PATJ: variants seen among roughly 807,000 people sequenced by gnomAD.
PATJ encodes the protein PATJ crumbs cell polarity complex component.
Under a neutral mutation model 224.9 loss-of-function variants are expected in PATJ, and 190 were observed. The observed-to-expected ratio is 0.84, with a 90% CI of 0.75 to 0.95. The LOEUF (loss-of-function observed/expected upper bound fraction) is 0.95, where lower values mean the gene tolerates loss of function less well. PATJ is among the 40% of genes least tolerant of loss of function. PATJ has a pLI of 0.00. For synonymous variants in PATJ, 769 were observed against 820.3 expected (o/e 0.94, Z 1.07); for missense variants, 2,121 against 2,270.3 (o/e 0.93, Z 1.34).
At chr1:61,782,435 A>G (rs1465786287) in intron 7 of PATJ, among the ~76,000 whole-genome samples, 1 of 152,124 alleles carries the variant, frequency 6.6e-6, no homozygotes, top group Non-Finnish European at 1.5e-5. Flanking sequence ...TTGGCCATAC[A>G]CTTTGTCCAA....
At chr1:61,845,027 A>G (rs1259520129) in intron 17 of PATJ, among the ~76,000 whole-genome samples, 3 of 152,212 alleles carry the variant, frequency 2.0e-5, no homozygotes, top group Non-Finnish European at 4.4e-5. Context: ...CTAATACAAC[A>G]GGTAAGTATG....
rs116076164 is a variant in PATJ, at chr1:61,976,132, C to T, written c.3671-14036C>T. On this transcript the variant is annotated intron_variant, in intron 27 of 43. Transcript: ENST00000642238. ...TTGCCTATACGTGTTCCATGTCTCG[C>T]CTTAAATTGTCGATTCCAAAAGGGC... Among the ~76,000 whole-genome samples the T allele has an allele frequency of 5.4e-3, 822 of 152,022 alleles. 11 individuals carry two copies. The highest frequency in any genetic ancestry group is 0.027 in the Middle Eastern group (8 of 294).
In PATJ at chr1:61,900,281, A is replaced by G. The variant is rs185015850; in HGVS notation, c.3203+627A>G. On this transcript the variant is annotated intron_variant, in intron 23 of 43. Transcript: ENST00000642238. Reference sequence around the variant, plus strand: ...TTGAAATCTGAATTTGTCTTAAAACATTTAAGAGTTGTTTTCAGAGTTACT... The same window carrying G: ...TTGAAATCTGAATTTGTCTTAAAACGTTTAAGAGTTGTTTTCAGAGTTACT... 2.0e-3 allele frequency among the ~76,000 whole-genome samples: 303 copies of G among 152,306 alleles called. 2 individuals are homozygous for G. Among genetic ancestry groups the G allele is most frequent in the Non-Finnish European group, 3.3e-3 (227 of 68,042 alleles).
At position 62,106,168 on chromosome 1, in the gene PATJ, A is replaced by G. The variant is rs1228831973; in HGVS notation, c.4378-2269A>G. Among the ~76,000 whole-genome samples, 69 of 93,348 alleles carry G rather than the reference A, an allele frequency of 7.4e-4. 5 individuals are homozygous for G. Among genetic ancestry groups the G allele is most frequent in the African/African-American group, 1.7e-3 (46 of 26,776 alleles). The allele number at this position is 93,348 out of a possible 152,430, so 61.2% of individuals were successfully genotyped here. A position where few individuals can be genotyped will look rare whatever the true frequency, so the allele number is the denominator to read the frequency against. On this transcript the variant is annotated intron_variant, in intron 33 of 43. Transcript: ENST00000642238. ...TATGTGTGTGTGTGTGTATATATAT[A>G]TATATATATATATATATATGGCTGG... is the stretch of plus-strand genomic sequence containing the variant.
intron 41 of PATJ, 142 bp from the exon 42 acceptor site, chr1:62,148,141 AG>A: frequency 2.1e-6 from 1 of 471,910 alleles, no homozygotes; most frequent in Non-Finnish European, 3.9e-6. Context: ...AAAAAAAAAA[AG>A]TTTGAGAGAA....
chr1:62,009,598 A>G (rs1306203968), intron 28 of PATJ, among the ~76,000 whole-genome samples: 1 of 152,148 alleles, frequency 6.6e-6, no homozygotes, highest in East Asian at 1.9e-4. Context: ...CATTCGCCAC[A>G]TCGATTGTCT....
At chr1:62,051,997 A>C (rs1202396932) in intron 31 of PATJ, among the ~76,000 whole-genome samples, 1 of 152,144 alleles carries the variant, frequency 6.6e-6, no homozygotes, top group Non-Finnish European at 1.5e-5. Flanking sequence ...AGGCTGGGAG[A>C]TGGCTGCCCT....
chr1:62,045,684 C>A (rs1652408410), intron 30 of PATJ, among the ~76,000 whole-genome samples: 1 of 152,174 alleles, frequency 6.6e-6, no homozygotes, highest in Non-Finnish European at 1.5e-5. Context: ...GACAGGAACA[C>A]CCAGCCATCC....
chr1:62,126,374 A>G (rs1413455435), intron 39 of PATJ, among the ~76,000 whole-genome samples: 1 of 152,038 alleles, frequency 6.6e-6, no homozygotes, highest in Non-Finnish European at 1.5e-5. Context: ...ACTCTCCACC[A>G]TACTTTATTT....
chr1:61,754,225 T>C (rs1645491997), intron 1 of PATJ, among the ~76,000 whole-genome samples: 1 of 152,214 alleles, frequency 6.6e-6, no homozygotes, highest in Non-Finnish European at 1.5e-5. Context: ...TCAACAAAGT[T>C]GAAATCCCCC....
chr1:61,744,901 A>C (rs1031355839), intron 1 of PATJ, among the ~76,000 whole-genome samples: 1 of 152,222 alleles, frequency 6.6e-6, no homozygotes, highest in Non-Finnish European at 1.5e-5. Flanking sequence ...TTGCTAGAGC[A>C]GCTCACGGAA....
At chr1:62,111,671 T>TC (rs927071811) in intron 34 of PATJ, among the ~76,000 whole-genome samples, 7 of 151,364 alleles carry the variant, frequency 4.6e-5, no homozygotes, top group African/African-American at 1.7e-4. Context: ...TTCTTTTTTT[T>TC]TTTTTTTGAG....
chr1:61,778,711 T>G (rs12757732), intron 7 of PATJ, among the ~76,000 whole-genome samples: 50,086 of 151,518 alleles, frequency 0.33, 8,484 homozygotes, highest in East Asian at 0.46. Flanking sequence ...TATATATATA[T>G]AGAGAGAGAG....
At chr1:61,977,884 C>CAAA (rs567713561) in intron 27 of PATJ, among the ~76,000 whole-genome samples, 1 of 75,894 alleles carries the variant, frequency 1.3e-5, no homozygotes, top group Non-Finnish European at 3.1e-5. Context: ...TAGTAAGACT[C>CAAA]AAAAAAAAAA....
intron 26 of PATJ, among the ~76,000 whole-genome samples, chr1:61,924,357 G>C (rs981346389): frequency 6.6e-5 from 10 of 152,180 alleles, no homozygotes; most frequent in Non-Finnish European, 1.5e-4. Flanking sequence ...GACAGAGTGA[G>C]ACTCTGTCTC....
rs758908004 is a variant in PATJ at position 61,884,241 on chromosome 1, G to A, written c.2964G>A (p.Met988Ile). The change falls in exon 22 of 44, where the codon ATG becomes ATA. Residue 988 changes from methionine (M) to isoleucine (I), a missense_variant. By Grantham distance (10) the Met-to-Ile change is conservative. Coordinates refer to ENST00000642238, the MANE Select transcript of PATJ (RefSeq NM_001350145.3). ...SLAKTSLDLG[M>I]IPNDVQGPSL... ...TCATCTGGATTTGCTCTTCAGGCAT[G>A]ATCCCGAATGATGTCCAAGGTCCTA... The A allele has an allele frequency of 5.6e-6, 9 of 1,597,022 alleles. No homozygotes were observed. In the East Asian group the frequency reaches 1.8e-4, roughly 32 times the overall value.
At chr1:62,116,350 A>T (rs1664438020) in intron 35 of PATJ, among the ~76,000 whole-genome samples, 182 bp from the exon 36 acceptor site, 1 of 152,250 alleles carries the variant, frequency 6.6e-6, no homozygotes, top group Non-Finnish European at 1.5e-5. Context: ...GTAGCTATTT[A>T]AAAAATGAGG....
intron 27 of PATJ, among the ~76,000 whole-genome samples, chr1:61,966,501 T>G (rs973093443): frequency 3.3e-5 from 5 of 151,874 alleles, no homozygotes; most frequent in Non-Finnish European, 7.4e-5. Context: ...GCCTGGCCAA[T>G]GTGGTGAAAC....
At chr1:61,774,119 C>CAAAA (rs35357345) in intron 6 of PATJ, among the ~76,000 whole-genome samples, 9 of 68,822 alleles carry the variant, frequency 1.3e-4, no homozygotes, top group African/African-American at 4.4e-4. Flanking sequence ...GACTCCATCT[C>CAAAA]AAAAAAAAAA....
Sources: gnomAD v4.1 joint callset for allele counts (sites outside exome capture counted in the v4.1 genomes callset) on GRCh38, gnomAD v4.1.1 for gene constraint, MANE v1.5 for transcripts, NCBI Gene and HGNC (gene_info 2026-07-23, HGNC 2026-07-21) for gene names.